The following BRAP variants were observed in gnomAD, a reference collection of about 807,000 sequenced individuals.
BRAP encodes BRCA1-associated protein.
In BRAP, 42 loss-of-function variants were observed where a neutral mutation model predicts 73.4. The ratio of observed to expected loss-of-function variants is 0.57; its 90% CI spans 0.45 to 0.74. BRAP has a LOEUF of 0.74. BRAP is among the 30% of genes least tolerant of loss of function. The probability of loss-of-function intolerance (pLI) is 0.00; values close to 1 mark genes in which losing one functional copy is unlikely to be tolerated. For synonymous variants in BRAP, 255 were observed against 267.4 expected, an observed-to-expected ratio of 0.95 and a Z score of 0.45; for missense variants, 593 against 751.4, an observed-to-expected ratio of 0.79 and a Z score of 2.46.
chr12:111,649,903 G>C (rs1412024744), intron 11 of BRAP, 36 bp downstream of exon 11: 2 of 1,392,590 alleles, frequency 1.4e-6, no homozygotes, highest in Admixed American at 1.9e-5. Context: ...TCTGTTTATA[G>C]AGCCTGTTAC....
At chr12:111,654,787 G>A (rs536039747) in intron 10 of BRAP, among the ~76,000 whole-genome samples, 41 of 152,320 alleles carry the variant, frequency 2.7e-4, no homozygotes, top group African/African-American at 9.6e-4. Flanking sequence ...CCAAGGATAG[G>A]TGGGGACTCA....
At chr12:111,679,515 A>G (rs1330936102) in intron 3 of BRAP, among the ~76,000 whole-genome samples, 175 bp from the exon 4 acceptor site, 1 of 152,162 alleles carries the variant, frequency 6.6e-6, no homozygotes. Flanking sequence ...TTCAACATTT[A>G]TTACGGTTAT....
At position 111,685,632 on chromosome 12, in the gene BRAP, C is replaced by T. The variant is rs571870569; in HGVS notation, c.82+79G>A. The T allele has an allele frequency of 3.7e-5, 54 of 1,465,548 alleles. No individual in the cohort carries two copies. In the African/African-American group the frequency reaches 6.5e-4, roughly 18 times the overall value. 90.8% of individuals were successfully genotyped at this position (1,465,548 alleles called of 1,614,324 possible). A position where few individuals can be genotyped will look rare whatever the true frequency, so the allele number is the denominator to read the frequency against. On this transcript the variant is annotated intron_variant, in intron 1 of 11. Transcript: ENST00000419234. ...CAACAGCCCTCGCCGCGGGCTTTTC[C>T]CGGGCCAGTGCTTTGGGAAGGGAAG...
At chr12:111,682,680 G>C (rs1887651001) in intron 2 of BRAP, among the ~76,000 whole-genome samples, 1 of 152,084 alleles carries the variant, frequency 6.6e-6, no homozygotes, top group Non-Finnish European at 1.5e-5. Context: ...GGGAGGCCGA[G>C]GCAGGTGGAT....
chr12:111,669,082 C>T (rs755411255), intron 5 of BRAP, among the ~76,000 whole-genome samples: 3 of 152,168 alleles, frequency 2.0e-5, no homozygotes, highest in Non-Finnish European at 4.4e-5. Flanking sequence ...TCTAAATTTA[C>T]GTTCAGTCAA....
chr12:111,647,885 C>T (rs760121506), intron 11 of BRAP, among the ~76,000 whole-genome samples: 6 of 148,730 alleles, frequency 4.0e-5, no homozygotes, highest in Middle Eastern at 3.2e-3. Context: ...AGCGAAACTC[C>T]GTCTCAAAAA....
chr12:111,662,945 TAA>T (rs76679225), intron 6 of BRAP, among the ~76,000 whole-genome samples: 2 of 114,984 alleles, frequency 1.7e-5, no homozygotes, highest in Non-Finnish European at 3.8e-5. Flanking sequence ...AAAGCCCTTC[TAA>T]AAAAAAAAAA....
At chr12:111,675,193 G>A (rs796437650) in intron 4 of BRAP, among the ~76,000 whole-genome samples, 17 of 151,872 alleles carry the variant, frequency 1.1e-4, no homozygotes, top group African/African-American at 4.1e-4. Flanking sequence ...CCCAGGAGGT[G>A]AAAGCTGCAG....
chr12:111,648,770 C>A (rs1391085749), intron 11 of BRAP, among the ~76,000 whole-genome samples: 1 of 151,174 alleles, frequency 6.6e-6, no homozygotes, highest in East Asian at 2.0e-4. Flanking sequence ...ACTAAAAATA[C>A]AAAAAAATTA....
intron 4 of BRAP, among the ~76,000 whole-genome samples, 181 bp downstream of exon 4, chr12:111,678,970 T>C (rs376781129): frequency 2.0e-5 from 3 of 151,596 alleles, no homozygotes; most frequent in Non-Finnish European, 2.9e-5. Context: ...AAAAAGTGTA[T>C]ACGTTATAAT....
chr12:111,659,710 T>C (rs1886671943), intron 7 of BRAP, among the ~76,000 whole-genome samples: 1 of 151,594 alleles, frequency 6.6e-6, no homozygotes, highest in Non-Finnish European at 1.5e-5. Flanking sequence ...GGAAGGAACC[T>C]GAGACACTAG....
At chr12:111,670,954 G>A (rs1304090140) in intron 5 of BRAP, among the ~76,000 whole-genome samples, 1 of 152,062 alleles carries the variant, frequency 6.6e-6, no homozygotes, top group African/African-American at 2.4e-5. Flanking sequence ...ACAAAAAGTA[G>A]CCGGGAGTGA....
At chr12:111,649,886 G>A (rs1592967938) in intron 11 of BRAP, 53 bp downstream of exon 11, 6 of 1,289,498 alleles carry the variant, frequency 4.7e-6, no homozygotes, top group Non-Finnish European at 6.6e-6. Context: ...AGGAATGAAA[G>A]AAACTGTCTG....
rs77974911 is a variant in BRAP, at chr12:111,681,570, T to C, written c.443+67A>G. 3.0e-3 allele frequency: 3,988 copies of C among 1,338,576 alleles called. 105 individuals are homozygous for C. The African/African-American group carries it at 0.056, about 19-fold the overall frequency. The allele number at this position is 1,338,576 out of a possible 1,614,324, so 82.9% of individuals were successfully genotyped here. ...CACTTTCCTTCAGGACAAGAGACTA[T>C]GCTAAAGCAAAGCAAAAAAAAAAAA... On this transcript the variant is annotated intron_variant, in intron 3 of 11. Coordinates refer to ENST00000419234, the MANE Select transcript of BRAP (RefSeq NM_006768.5).
In BRAP at chr12:111,667,633, A is replaced by G. The variant is rs201312193; in HGVS notation, c.748-1846T>C. Among the ~76,000 whole-genome samples, 15 of 142,698 alleles carry G rather than the reference A, an allele frequency of 1.1e-4. 1 individual carries two copies. In the East Asian group the frequency reaches 3.3e-3, roughly 32 times the overall value. 93.6% of individuals were successfully genotyped at this position (142,698 alleles called of 152,430 possible). A position where few individuals can be genotyped will look rare whatever the true frequency, so the allele number is the denominator to read the frequency against. On this transcript the variant is annotated intron_variant, in intron 5 of 11. Coordinates refer to ENST00000419234, the MANE Select transcript of BRAP (RefSeq NM_006768.5). ...AGAATTTCTTGAACCCAGGAGGTAG[A>G]GGATGCAGTGAGCTGAGATCACACC...
intron 10 of BRAP, among the ~76,000 whole-genome samples, chr12:111,653,653 A>T (rs1193638576): frequency 6.6e-6 from 1 of 152,154 alleles, no homozygotes; most frequent in Admixed American, 6.6e-5. Context: ...CCCCTCCTCC[A>T]CATCAACAGA....
Position 111,665,877 on chromosome 12 carries a change from C to T in BRAP, c.748-90G>A. 6.5e-7 allele frequency: 1 copy of T among 1,528,008 alleles called. No individual in the cohort carries two copies. Among genetic ancestry groups the T allele is most frequent in the Non-Finnish European group, 8.9e-7 (1 of 1,122,708 alleles). The allele number at this position is 1,528,008 out of a possible 1,614,324, so 94.7% of individuals were successfully genotyped here. The stretch of plus-strand genomic sequence containing the variant: ...TTTTTCTGAGACAGGGTCTCGCTCT[C>T]TGTCACCCACGCTGGAGCCCAGTGG... On this transcript the variant is annotated intron_variant, in intron 5 of 11. Transcript: ENST00000419234. This position sits in a 1 kb window ranked among gnomAD's most constrained non-coding sequence, Gnocchi z 4.3.
In BRAP at chr12:111,642,372, TG is replaced by T. The variant is rs750178140; in HGVS notation, c.*1826del. The T allele has an allele frequency of 1.3e-5, 2 of 152,132 alleles. No homozygotes were observed. Among genetic ancestry groups the T allele is most frequent in the Non-Finnish European group, 2.9e-5 (2 of 68,022 alleles). The allele number at this position is 152,132 out of a possible 1,614,324, so 9.4% of individuals were successfully genotyped here. ...ATTTTTTGTAAACCTCCAAGTAGTT[TG>T]GAAACACTTGCCTATTTGCTCATTC... On this transcript the variant is annotated 3_prime_UTR_variant, in exon 12 of 12. Transcript: ENST00000419234.
Position 111,643,769 on chromosome 12 carries a change from G to A in BRAP, c.*430C>T, listed in dbSNP as rs1423700197. On this transcript the variant is annotated 3_prime_UTR_variant, in exon 12 of 12. Transcript: ENST00000419234. ...TAGCCAATGGAAACCTCTCTTTAAA[G>A]CAGCTGTTATGCCCTCAGAGAGGTT... The A allele has an allele frequency of 6.1e-6, 1 of 164,098 alleles. No homozygotes were observed. Among genetic ancestry groups the A allele is most frequent in the African/African-American group, 2.4e-5 (1 of 41,634 alleles). The allele number at this position is 164,098 out of a possible 1,614,324, so 10.2% of individuals were successfully genotyped here.
Sources: gnomAD v4.1 joint callset for allele counts (sites outside exome capture counted in the v4.1 genomes callset) on GRCh38, gnomAD v4.1.1 for gene constraint, Gnocchi (gnomAD v3.1) non-coding constraint, MANE v1.5 for transcripts, NCBI Gene and HGNC (gene_info 2026-07-23, HGNC 2026-07-21) for gene names.